ENOX2: variants seen among roughly 807,000 people sequenced by gnomAD.
ENOX2 encodes the protein ecto-NOX disulfide-thiol exchanger 2.
In ENOX2, 36 loss-of-function variants were observed where a neutral mutation model predicts 45.0. The observed-to-expected ratio is 0.80, with a 90% CI of 0.61 to 1.06. The LOEUF (loss-of-function observed/expected upper bound fraction) is 1.06, where lower values mean the gene tolerates loss of function less well. Among genes scored for constraint, ENOX2 ranks in the 50% least tolerant of loss-of-function variants. The pLI is 0.00. For synonymous variants in ENOX2, 174 were observed against 152.3 expected (o/e 1.14, Z -1.05); for missense variants, 423 against 462.5 (o/e 0.91, Z 0.78).
At chrX:130,814,040 T>G (rs1245926562) in intron 2 of ENOX2, among the ~76,000 whole-genome samples, 1 of 112,016 alleles carries the variant, frequency 8.9e-6, no homozygotes, top group Non-Finnish European at 1.9e-5. Flanking sequence ...TGACCTTGGA[T>G]GCTCGAGCTT....
intron 13 of ENOX2, 61 bp downstream of exon 13, chrX:130,631,407 C>A: frequency 4.8e-6 from 3 of 628,174 alleles, no homozygotes; most frequent in Non-Finnish European, 8.1e-6. Context: ...TTAGGTAAAG[C>A]CCTCCTCTCC....
chrX:130,736,724 C>G (rs1373537350), intron 3 of ENOX2, among the ~76,000 whole-genome samples: 1 of 111,992 alleles, frequency 8.9e-6, no homozygotes, highest in Non-Finnish European at 1.9e-5. Context: ...AGGCCGAAGT[C>G]TCAGAATTAA....
chrX:130,786,467 T>C (rs2076970371), intron 2 of ENOX2, among the ~76,000 whole-genome samples: 1 of 102,961 alleles, frequency 9.7e-6, no homozygotes, highest in South Asian at 4.8e-4. Flanking sequence ...GTTAGTTACA[T>C]ATGTATACAT....
chrX:130,798,446 T>C (rs1179171492), intron 2 of ENOX2, among the ~76,000 whole-genome samples: 2 of 112,361 alleles, frequency 1.8e-5, no homozygotes, highest in Admixed American at 1.9e-4. Flanking sequence ...TAATTAACTC[T>C]GTACCTACAA....
At chrX:130,884,024 G>A (rs5975231) in intron 2 of ENOX2, among the ~76,000 whole-genome samples, 10,291 of 111,634 alleles carry the variant, frequency 0.092, 805 homozygotes, top group African/African-American at 0.26. Context: ...TTCCAACTAC[G>A]TAGGACATTT....
intron 2 of ENOX2, among the ~76,000 whole-genome samples, chrX:130,783,952 T>C (rs1332201836): frequency 8.9e-6 from 1 of 111,944 alleles, no homozygotes; most frequent in Non-Finnish European, 1.9e-5. Flanking sequence ...AGTCATAAGC[T>C]AGCAACTGAT....
intron 2 of ENOX2, among the ~76,000 whole-genome samples, chrX:130,821,741 T>TAAAAAAAAAAAAAAAAAAAA (rs1569505783): frequency 4.1e-5 from 1 of 24,209 alleles, no homozygotes; most frequent in African/African-American, 1.9e-4. Flanking sequence ...AATAAATAAA[T>TAAAAAAAAAAAAAAAAAAAA]TAAAAAAAAA....
At chrX:130,665,390 G>C (rs942303042) in intron 9 of ENOX2, among the ~76,000 whole-genome samples, 4 of 112,090 alleles carry the variant, frequency 3.6e-5, no homozygotes, top group African/African-American at 1.3e-4. Flanking sequence ...AATTATCCCA[G>C]CTACATTTTC....
chrX:130,665,829 A>T, intron 8 of ENOX2, 80 bp from the exon 9 acceptor site: 1 of 598,370 alleles, frequency 1.7e-6, no homozygotes, highest in Non-Finnish European at 2.8e-6. Context: ...GAAATGAAAT[A>T]AAAGAGAAGC....
rs184736801 is a variant in ENOX2, at chrX:130,754,668, T to A, written c.-39+28879A>T. On this transcript the variant is annotated intron_variant, in intron 3 of 14. Coordinates refer to ENST00000394363, the MANE Select transcript of ENOX2 (RefSeq NM_006375.4). ...ACCAAATACTGCATTTTCTCACTTA[T>A]AAGTGAGAGCTAAACATTGGGTACA... 9.5e-3 allele frequency among the ~76,000 whole-genome samples: 1,045 copies of A among 110,003 alleles called. 16 individuals are homozygous for A. The highest frequency in any genetic ancestry group is 0.033 in the African/African-American group (982 of 30,200).
chrX:130,896,589 T>G (rs1467029999), intron 2 of ENOX2, among the ~76,000 whole-genome samples: 1 of 111,995 alleles, frequency 8.9e-6, no homozygotes, highest in Non-Finnish European at 1.9e-5. Flanking sequence ...AACGGAGTGC[T>G]TTCACATAGT....
intron 4 of ENOX2, among the ~76,000 whole-genome samples, chrX:130,698,903 T>C (rs1251199314): frequency 8.9e-6 from 1 of 111,990 alleles, no homozygotes; most frequent in Non-Finnish European, 1.9e-5. Flanking sequence ...GACTCTTCTC[T>C]TTTTGGACTT....
At chrX:130,662,886 A>AT (rs1455973832) in intron 9 of ENOX2, among the ~76,000 whole-genome samples, 1 of 111,798 alleles carries the variant, frequency 8.9e-6, no homozygotes, top group Non-Finnish European at 1.9e-5. Context: ...AGCGGGAAGG[A>AT]TTTTTTGGGG....
chrX:130,632,366 G>T (rs1373620404), intron 12 of ENOX2, among the ~76,000 whole-genome samples: 1 of 38,510 alleles, frequency 2.6e-5, no homozygotes, highest in African/African-American at 8.6e-5. Context: ...GGAAGGGGCG[G>T]GGGGGGGGGG....
At chrX:130,757,075 AATTAC>A (rs2039371402) in intron 3 of ENOX2, among the ~76,000 whole-genome samples, 1 of 112,131 alleles carries the variant, frequency 8.9e-6, no homozygotes, top group Non-Finnish European at 1.9e-5. Flanking sequence ...CTCAAATCTT[AATTAC>A]TCACTCTTCT....
At chrX:130,876,642 A>C (rs1306934414) in intron 2 of ENOX2, among the ~76,000 whole-genome samples, 1 of 111,829 alleles carries the variant, frequency 8.9e-6, no homozygotes, top group Non-Finnish European at 1.9e-5. Flanking sequence ...AAAGCTGTTA[A>C]TAAAAACAGT....
chrX:130,880,158 A>T (rs1363408900), intron 2 of ENOX2, among the ~76,000 whole-genome samples: 2 of 111,687 alleles, frequency 1.8e-5, no homozygotes, highest in African/African-American at 6.5e-5. Flanking sequence ...AACAGAAAAC[A>T]GAGCCAAAGA....
chrX:130,653,359 T>G (rs2036456917), intron 10 of ENOX2, among the ~76,000 whole-genome samples: 1 of 112,206 alleles, frequency 8.9e-6, no homozygotes. Flanking sequence ...ACAGACAAGA[T>G]GTGCTTATAG....
chrX:130,819,328 G>C (rs1018338082), intron 2 of ENOX2, among the ~76,000 whole-genome samples: 1 of 111,571 alleles, frequency 9.0e-6, no homozygotes, highest in African/African-American at 3.3e-5. Flanking sequence ...AATTCCTCGA[G>C]GACCCAGGAC....
Sources: allele counts gnomAD v4.1 joint callset (sites outside exome capture counted in the v4.1 genomes callset), GRCh38; gene constraint gnomAD v4.1.1; transcripts MANE v1.5; gene names NCBI Gene and HGNC (gene_info 2026-07-23, HGNC 2026-07-21).